Variants in C5orf47 observed in about 807,000 individuals in gnomAD.
C5orf47 encodes the protein uncharacterized protein C5orf47.
In C5orf47, 20 loss-of-function variants were observed where a neutral mutation model predicts 20.6. That is an observed-to-expected ratio of 0.97 (90% CI 0.68 to 1.41). C5orf47 has a LOEUF of 1.41. Among genes scored for constraint, C5orf47 ranks in the 40% most tolerant of loss-of-function variants. C5orf47 has a pLI of 0.00. For missense variants in C5orf47, 262 were observed against 238.4 expected (o/e 1.10, Z -0.65); for synonymous variants, 106 against 97.3 (o/e 1.09, Z -0.53).
rs1759259425 is a variant in C5orf47, at chr5:174,004,846, A to G, written c.*592A>G. 6.6e-6 allele frequency: 1 copy of G among 152,144 alleles called. No homozygotes were observed. Among genetic ancestry groups the G allele is most frequent in the Non-Finnish European group, 1.5e-5 (1 of 68,010 alleles). The allele number at this position is 152,144 out of a possible 1,614,324, so 9.4% of individuals were successfully genotyped here. ...ATGTATGCATTTATAATATGGATATATTATAATGGACTATATTATAATATG... is the reference window on the plus strand; with the variant it reads ...ATGTATGCATTTATAATATGGATATGTTATAATGGACTATATTATAATATG... On this transcript the variant is annotated 3_prime_UTR_variant, in exon 5 of 5. Transcript: ENST00000340147.
At position 173,999,760 on chromosome 5, in the gene C5orf47, T is replaced by C. The variant is rs1201297237; in HGVS notation, c.472T>C (p.Tyr158His). ...ISRMLEENEKYRHRLKCQRLS... is the reference protein window; with the variant it reads ...ISRMLEENEKHRHRLKCQRLS... The stretch of plus-strand genomic sequence containing the variant: ...AAGAATGCTTGAAGAAAATGAAAAA[T>C]ATAGACACAGGCTGAAATGCCAAAG... The change falls in exon 3 of 5, where the codon TAT becomes CAT. Residue 158 changes from tyrosine (Y) to histidine (H), a missense_variant. By Grantham distance (83) the Tyr-to-His change is moderately conservative. Transcript: ENST00000340147. 2.0e-6 allele frequency: 3 copies of C among 1,536,074 alleles called. No homozygotes were observed. In the Admixed American group the frequency reaches 6.0e-5, roughly 31 times the overall value.
At chr5:174,007,771 G>A (rs910929405), downstream of C5orf47, among the ~76,000 whole-genome samples, 2 of 152,130 alleles carry the variant, frequency 1.3e-5, no homozygotes, top group East Asian at 3.9e-4. Context: ...TATTAGCCAG[G>A]CTGGTCTCAA....
At chr5:174,007,165 G>A (rs1581200247), downstream of C5orf47, among the ~76,000 whole-genome samples, 1 of 152,262 alleles carries the variant, frequency 6.6e-6, no homozygotes. Context: ...TACGTTGGAT[G>A]CTTGTCTGGT....
At position 173,995,335 on chromosome 5, in the gene C5orf47, G is replaced by A. The variant is rs529979026; in HGVS notation, c.326-2818G>A. Among the ~76,000 whole-genome samples, 136 of 152,322 alleles carry A rather than the reference G, an allele frequency of 8.9e-4. 1 individual carries two copies. Among genetic ancestry groups the A allele is most frequent in the African/African-American group, 3.2e-3 (133 of 41,570 alleles). ...GTAGATATGAGTGTTGTAAGAGTGA[G>A]CTGAGAATAGCTTTGATAGTCAAGT... On this transcript the variant is annotated intron_variant, in intron 1 of 4. Coordinates refer to ENST00000340147, the MANE Select transcript of C5orf47 (RefSeq NM_001144954.2).
intron 1 of C5orf47, 46 bp downstream of exon 1, chr5:173,989,634 G>T (rs529523383): frequency 2.2e-6 from 3 of 1,336,950 alleles, no homozygotes; most frequent in Admixed American, 3.7e-5. Context: ...GGGGCGGGAC[G>T]GGGCGGAGCG....
chr5:174,001,855 C>T (rs186184102), intron 4 of C5orf47, among the ~76,000 whole-genome samples: 152 of 152,230 alleles, frequency 1.0e-3, no homozygotes, highest in South Asian at 6.8e-3. Context: ...TACCCTTGAC[C>T]TCTGGTTATG....
At chr5:174,007,589 G>A (rs539204583), downstream of C5orf47, among the ~76,000 whole-genome samples, 3 of 141,158 alleles carry the variant, frequency 2.1e-5, no homozygotes, top group East Asian at 2.0e-4. Flanking sequence ...ACGGAGTCTC[G>A]CTCTGATGCT....
chr5:174,008,548 C>A (rs1417692477), downstream of C5orf47, among the ~76,000 whole-genome samples: 1 of 152,134 alleles, frequency 6.6e-6, no homozygotes, highest in Non-Finnish European at 1.5e-5. Flanking sequence ...AAAACAACTT[C>A]TGGGCCAGGA....
At chr5:174,008,349 T>G (rs532544564), downstream of C5orf47, among the ~76,000 whole-genome samples, 4 of 152,334 alleles carry the variant, frequency 2.6e-5, no homozygotes, top group South Asian at 8.3e-4. Context: ...GGCTCTGCAG[T>G]AGTTCCAGGC....
chr5:173,995,106 C>T (rs1759065838), intron 1 of C5orf47, among the ~76,000 whole-genome samples: 1 of 152,186 alleles, frequency 6.6e-6, no homozygotes. Flanking sequence ...AACCACCACA[C>T]CCAGCCCTTA....
chr5:173,989,687 G>C (rs1415978270), intron 1 of C5orf47, 99 bp downstream of exon 1: 1 of 1,100,468 alleles, frequency 9.1e-7, no homozygotes, highest in African/African-American at 1.7e-5. Context: ...CAGGAGGCTG[G>C]GGGCAGCTTT....
chr5:173,991,384 T>C (rs1053511576), intron 1 of C5orf47, among the ~76,000 whole-genome samples: 2 of 152,210 alleles, frequency 1.3e-5, no homozygotes, highest in Non-Finnish European at 2.9e-5. Context: ...CTTAGCCTTG[T>C]TCCTGACCAT....
chr5:174,008,822 C>CAAA (rs57488841), downstream of C5orf47, among the ~76,000 whole-genome samples: 4 of 75,464 alleles, frequency 5.3e-5, no homozygotes, highest in Admixed American at 1.4e-4. Context: ...GACTCCATCT[C>CAAA]AAAAAAAAAA....
rs1759261663 is a variant in C5orf47, at chr5:174,004,930, G to A, written c.*676G>A. The A allele has an allele frequency of 6.6e-6, 1 of 152,020 alleles. No homozygotes were observed. Among genetic ancestry groups the A allele is most frequent in the Non-Finnish European group, 1.5e-5 (1 of 67,984 alleles). The allele number at this position is 152,020 out of a possible 1,614,324, so 9.4% of individuals were successfully genotyped here. On this transcript the variant is annotated 3_prime_UTR_variant, in exon 5 of 5. Transcript: ENST00000340147. The stretch of plus-strand genomic sequence containing the variant: ...GAGGAGATGCCCTTTACCTTGCCAG[G>A]CCCCTAAGTAATACATTATTTTTAA...
In C5orf47 at chr5:174,005,053, A is replaced by C. The variant is rs1375096331; in HGVS notation, c.*799A>C. On this transcript the variant is annotated 3_prime_UTR_variant, in exon 5 of 5. Coordinates refer to ENST00000340147, the MANE Select transcript of C5orf47 (RefSeq NM_001144954.2). ...CAACATTAAGTAGTAATCAACTTTT[A>C]CCTCCGCCAGTTTTTCTGCTTTTTT... The C allele has an allele frequency of 6.6e-6, 1 of 151,986 alleles. No individual in the cohort carries two copies. The highest frequency in any genetic ancestry group is 1.9e-4 in the East Asian group (1 of 5,188). 9.4% of individuals were successfully genotyped at this position (151,986 alleles called of 1,614,324 possible). A position where few individuals can be genotyped will look rare whatever the true frequency, so the allele number is the denominator to read the frequency against.
chr5:174,000,333 TA>T (rs1307382950), intron 3 of C5orf47, among the ~76,000 whole-genome samples: 15 of 152,234 alleles, frequency 9.9e-5, no homozygotes, highest in African/African-American at 2.6e-4. Flanking sequence ...ATTGAGTTGA[TA>T]TTGTGGTCAG....
At chr5:173,994,533 A>G (rs1482443514) in intron 1 of C5orf47, among the ~76,000 whole-genome samples, 1 of 152,192 alleles carries the variant, frequency 6.6e-6, no homozygotes, top group African/African-American at 2.4e-5. Flanking sequence ...TCCAGTGGAA[A>G]GAGTGAAGGC....
In C5orf47 at chr5:173,998,200, T is replaced by C. The variant is rs1319197997; in HGVS notation, c.373T>C (p.Leu125=). The C allele has an allele frequency of 6.5e-7, 1 of 1,542,498 alleles. No homozygotes were observed. The highest frequency in any genetic ancestry group is 2.4e-5 in the East Asian group (1 of 40,890). The change falls in exon 2 of 5, where the codon TTG becomes CTG. Residue 125 remains leucine (L), a synonymous_variant. Transcript: ENST00000340147. ...TAAAAAGTATGATTTTCCCATACCA[T>C]TGAATGAAGCTTCCAAAATAATGAA... ...AAKKYDFPIP[L]NEASKIMKKK...
In C5orf47 at chr5:173,991,024, A is replaced by G. The variant is rs555752992; in HGVS notation, c.325+1436A>G. 3.3e-5 allele frequency among the ~76,000 whole-genome samples: 5 copies of G among 152,156 alleles called. No individual in the cohort carries two copies. In the East Asian group the frequency reaches 7.7e-4, roughly 23 times the overall value. ...TTAAACATTGCTCACCATTCTCCCTATTTGCCCTCCTTTACGCATAAGCCC... is the reference window on the plus strand; with the variant it reads ...TTAAACATTGCTCACCATTCTCCCTGTTTGCCCTCCTTTACGCATAAGCCC... On this transcript the variant is annotated intron_variant, in intron 1 of 4. Transcript: ENST00000340147.
Sources: allele counts gnomAD v4.1 joint callset (sites outside exome capture counted in the v4.1 genomes callset), GRCh38; gene constraint gnomAD v4.1.1; transcripts MANE v1.5; gene names NCBI Gene and HGNC (gene_info 2026-07-23, HGNC 2026-07-21).